The following CRY1 variants were observed in gnomAD, a reference collection of about 807,000 sequenced individuals.
CRY1 encodes cryptochrome-1.
A neutral mutation model predicts 76.0 loss-of-function variants in CRY1; 45 were observed. That is an observed-to-expected ratio of 0.59 (90% CI 0.47 to 0.76). The LOEUF is 0.76. Ranked by LOEUF, CRY1 falls within the 30% of genes least tolerant of loss-of-function variation. The probability of loss-of-function intolerance (pLI) is 0.00; values close to 1 mark genes in which losing one functional copy is unlikely to be tolerated. For synonymous variants in CRY1, 248 were observed against 244.0 expected, an observed-to-expected ratio of 1.02 and a Z score of -0.15; for missense variants, 587 against 716.4, an observed-to-expected ratio of 0.82 and a Z score of 2.06.
chr12:106,997,142 C>A, intron 10 of CRY1, 152 bp downstream of exon 10: 1 of 671,748 alleles, frequency 1.5e-6, no homozygotes, highest in South Asian at 1.9e-5. Flanking sequence ...AGAGATGTGT[C>A]TGGGTGCACA....
Position 107,000,098 on chromosome 12 carries a change from G to T in CRY1, c.685-16C>A. The T allele has an allele frequency of 6.4e-7, 1 of 1,573,590 alleles. No homozygotes were observed. Among genetic ancestry groups the T allele is most frequent in the East Asian group, 2.3e-5 (1 of 44,210 alleles). ...CCACCCAAGCCTGAAAACACACAGA[G>T]AAAATTATATTAACTAATTGTCTTT... On this transcript the variant is annotated splice_polypyrimidine_tract_variant and intron_variant, in intron 5 of 12. Transcript: ENST00000008527.
chr12:107,092,712 T>C, intron 1 of CRY1, 92 bp downstream of exon 1: 2 of 1,547,336 alleles, frequency 1.3e-6, no homozygotes, highest in Non-Finnish European at 1.8e-6. Flanking sequence ...CAGTCCCACG[T>C]CTAAATTCAC....
In CRY1 at chr12:107,091,007, A is replaced by T. The variant is rs75063343; in HGVS notation, c.158+1797T>A. 3.0e-3 allele frequency among the ~76,000 whole-genome samples: 458 copies of T among 151,882 alleles called. 21 individuals carry two copies. The East Asian group carries it at 0.082, about 27-fold the overall frequency. On this transcript the variant is annotated intron_variant, in intron 1 of 12. Coordinates refer to ENST00000008527, the MANE Select transcript of CRY1 (RefSeq NM_004075.5). ...AACTGCTACTATATAAAAAGCACTGAATTTTGGTGCTTTTTATATAGCACC... is the reference window on the plus strand; with the variant it reads ...AACTGCTACTATATAAAAAGCACTGTATTTTGGTGCTTTTTATATAGCACC...
At chr12:107,059,902 T>C (rs968368531) in intron 1 of CRY1, among the ~76,000 whole-genome samples, 3 of 152,204 alleles carry the variant, frequency 2.0e-5, no homozygotes, top group Non-Finnish European at 2.9e-5. Flanking sequence ...TCAGTGTAAT[T>C]CACCAATTTA....
Position 107,001,748 on chromosome 12 carries a change from T to G in CRY1, c.595+16A>C, listed in dbSNP as rs1426496308. 5 of 1,522,484 alleles carry G rather than the reference T, an allele frequency of 3.3e-6. No individual in the cohort carries two copies. Among genetic ancestry groups the G allele is most frequent in the Non-Finnish European group, 4.4e-6 (5 of 1,145,226 alleles). 94.3% of individuals were successfully genotyped at this position (1,522,484 alleles called of 1,614,324 possible). On this transcript the variant is annotated intron_variant, in intron 4 of 12. Transcript: ENST00000008527. ...ATTAACTTGCAAGCCTCACACTGAC[T>G]ACAGTTTACACTCACCTAGCTCTTC...
At chr12:107,000,499 G>A (rs563980016) in intron 5 of CRY1, among the ~76,000 whole-genome samples, 2 of 151,956 alleles carry the variant, frequency 1.3e-5, no homozygotes, top group East Asian at 1.9e-4. Flanking sequence ...ACAGGCATGC[G>A]CCACCACGCC....
intron 10 of CRY1, among the ~76,000 whole-genome samples, chr12:106,994,917 C>T (rs774911742): frequency 5.9e-5 from 9 of 152,252 alleles, no homozygotes; most frequent in Non-Finnish European, 1.2e-4. Flanking sequence ...GTAGGAGATA[C>T]TGAGAAGGAA....
chr12:107,029,500 G>A (rs1474335784), intron 1 of CRY1, among the ~76,000 whole-genome samples: 3 of 151,752 alleles, frequency 2.0e-5, no homozygotes, highest in Non-Finnish European at 4.4e-5. Flanking sequence ...GTGGGCTGAG[G>A]CAGGAGGATC....
At chr12:107,008,418 C>A (rs147859325) in intron 2 of CRY1, among the ~76,000 whole-genome samples, 13 of 152,068 alleles carry the variant, frequency 8.5e-5, no homozygotes, top group African/African-American at 2.9e-4. Flanking sequence ...AGTGGCAATA[C>A]AGAGGTAAAT....
intron 1 of CRY1, among the ~76,000 whole-genome samples, chr12:107,068,338 C>A (rs1953137601): frequency 6.6e-6 from 1 of 152,132 alleles, no homozygotes; most frequent in Non-Finnish European, 1.5e-5. Context: ...CACTCTTTTG[C>A]CCAGGCTGGA....
At chr12:107,057,708 G>GT (rs1388274856) in intron 1 of CRY1, among the ~76,000 whole-genome samples, 1 of 151,964 alleles carries the variant, frequency 6.6e-6, no homozygotes, top group African/African-American at 2.4e-5. Flanking sequence ...TCCAGCCTGG[G>GT]TGACAGAGCA....
At chr12:107,043,685 G>A (rs1012118602) in intron 1 of CRY1, among the ~76,000 whole-genome samples, 38 of 152,164 alleles carry the variant, frequency 2.5e-4, no homozygotes, top group African/African-American at 8.4e-4. Context: ...CTCCCTTGAT[G>A]GTGGGGTCAG....
At chr12:107,057,469 C>T (rs907006201) in intron 1 of CRY1, among the ~76,000 whole-genome samples, 2 of 152,194 alleles carry the variant, frequency 1.3e-5, no homozygotes, top group Admixed American at 6.5e-5. Flanking sequence ...AAGAATGCCT[C>T]TTTCTTTCTC....
chr12:106,995,907 G>A (rs529554311), intron 10 of CRY1, among the ~76,000 whole-genome samples: 3 of 152,198 alleles, frequency 2.0e-5, no homozygotes, highest in East Asian at 1.9e-4. Flanking sequence ...GCAATGGCGC[G>A]ATCTCAGCTC....
intron 1 of CRY1, among the ~76,000 whole-genome samples, chr12:107,045,611 G>T (rs938268812): frequency 6.6e-6 from 1 of 152,118 alleles, no homozygotes; most frequent in African/African-American, 2.4e-5. Context: ...TTTCTTCTAG[G>T]GTTTTTATGG....
chr12:107,019,948 C>T (rs1001565767), intron 2 of CRY1, among the ~76,000 whole-genome samples: 2 of 152,036 alleles, frequency 1.3e-5, no homozygotes, highest in African/African-American at 4.8e-5. Context: ...AAAGGCAACT[C>T]CACTTAGGAT....
At chr12:107,090,644 T>C (rs901009593) in intron 1 of CRY1, among the ~76,000 whole-genome samples, 4 of 152,216 alleles carry the variant, frequency 2.6e-5, no homozygotes, top group African/African-American at 4.8e-5. Context: ...ACTGGATCTC[T>C]AGCACCTAAA....
chr12:107,069,772 ATACTT>A (rs1462751330), intron 1 of CRY1, among the ~76,000 whole-genome samples: 1 of 147,384 alleles, frequency 6.8e-6, no homozygotes, highest in African/African-American at 2.5e-5. Flanking sequence ...ATACATATAT[ATACTT>A]TAAACTTCGA....
At chr12:107,062,501 G>A (rs948617845) in intron 1 of CRY1, among the ~76,000 whole-genome samples, 10 of 152,004 alleles carry the variant, frequency 6.6e-5, no homozygotes, top group African/African-American at 1.7e-4. Flanking sequence ...AGCTAGTACT[G>A]TGTCAGCGCT....
Sources: gnomAD v4.1 joint callset for allele counts (sites outside exome capture counted in the v4.1 genomes callset) on GRCh38, gnomAD v4.1.1 for gene constraint, MANE v1.5 for transcripts, NCBI Gene and HGNC (gene_info 2026-07-23, HGNC 2026-07-21) for gene names.